FOXP2: variants seen among roughly 807,000 people sequenced by gnomAD.
FOXP2 encodes the protein forkhead box protein P2.
A neutral mutation model predicts 115.8 loss-of-function variants in FOXP2; 12 were observed. That is an observed-to-expected ratio of 0.10 (90% CI 0.07 to 0.17). The LOEUF (loss-of-function observed/expected upper bound fraction) is 0.17. Among genes scored for constraint, FOXP2 ranks in the 10% least tolerant of loss-of-function variants. FOXP2 has a pLI of 1.00. For missense variants in FOXP2, 629 were observed against 843.5 expected (o/e 0.75, Z 3.15); for synonymous variants, 328 against 297.7 (o/e 1.10, Z -1.05).
chr7:114,628,486 A>C, intron 3 of FOXP2, 54 bp from the exon 4 acceptor site: 1 of 1,609,094 alleles, frequency 6.2e-7, no homozygotes, highest in South Asian at 1.1e-5. Context: ...AAGTTGATTA[A>C]CAGATATTTG....
chr7:114,523,493 T>C (rs1352911061), intron 2 of FOXP2, among the ~76,000 whole-genome samples: 1 of 152,132 alleles, frequency 6.6e-6, no homozygotes, highest in African/African-American at 2.4e-5. Context: ...TGCGGTAGCA[T>C]TTCCTTGCCT....
intron 1 of FOXP2, among the ~76,000 whole-genome samples, chr7:114,255,636 T>C (rs902763911): frequency 1.3e-5 from 2 of 152,110 alleles, no homozygotes; most frequent in Non-Finnish European, 2.9e-5. Context: ...GTTAAGACCA[T>C]TGGAAAAGCG....
At chr7:114,645,056 TATAAC>T (rs1805800380) in intron 8 of FOXP2, 4 of 251,432 alleles carry the variant, frequency 1.6e-5, no homozygotes, top group African/African-American at 2.3e-5. Flanking sequence ...TGGAGACATT[TATAAC>T]AGAACTATTT....
rs879503718 is a variant in FOXP2, at chr7:114,291,971, T to C, written c.-11+3862T>C. On this transcript the variant is annotated intron_variant, in intron 2 of 17. Coordinates refer to the FOXP2 transcript ENST00000634411. ...TAGATAATATATAGAATATATATTA[T>C]AGATAATATATAGAATATATATTAT... Among the ~76,000 whole-genome samples, 203 of 133,442 alleles carry C rather than the reference T, an allele frequency of 1.5e-3. 2 individuals carry two copies. Among genetic ancestry groups the C allele is most frequent in the Non-Finnish European group, 1.9e-3 (119 of 62,820 alleles). The allele number at this position is 133,442 out of a possible 152,430, so 87.5% of individuals were successfully genotyped here.
At chr7:114,513,764 A>C (rs947560066) in intron 2 of FOXP2, among the ~76,000 whole-genome samples, 1 of 152,106 alleles carries the variant, frequency 6.6e-6, no homozygotes, top group African/African-American at 2.4e-5. Context: ...AATTTCAGCT[A>C]AAAAGTCCTA....
At chr7:114,141,803 GC>G (rs1282015670) in intron 1 of FOXP2, among the ~76,000 whole-genome samples, 1 of 152,174 alleles carries the variant, frequency 6.6e-6, no homozygotes, top group Non-Finnish European at 1.5e-5. Context: ...TACTTAGGAT[GC>G]CATGGGCTAC....
At chr7:114,355,157 A>C (rs1791590442) in intron 2 of FOXP2, among the ~76,000 whole-genome samples, 1 of 152,152 alleles carries the variant, frequency 6.6e-6, no homozygotes, top group South Asian at 2.1e-4. Context: ...TATTTAGGGA[A>C]ATAAAAATAA....
intron 1 of FOXP2, among the ~76,000 whole-genome samples, chr7:114,095,100 C>G (rs535797150): frequency 6.6e-6 from 1 of 152,166 alleles, no homozygotes; most frequent in South Asian, 2.1e-4. Context: ...AGTTATTATC[C>G]CACATCGTTA....
chr7:114,682,830 T>C (rs1466622434), intron 16 of FOXP2, among the ~76,000 whole-genome samples: 2 of 152,128 alleles, frequency 1.3e-5, no homozygotes, highest in African/African-American at 4.8e-5. Flanking sequence ...AAACCTAATA[T>C]AAATAGAGAT....
At chr7:114,092,976 A>G (rs1799573515) in intron 1 of FOXP2, among the ~76,000 whole-genome samples, 1 of 152,168 alleles carries the variant, frequency 6.6e-6, no homozygotes, top group Non-Finnish European at 1.5e-5. Flanking sequence ...GAACTGTGGC[A>G]ATAACTACTT....
intron 8 of FOXP2, among the ~76,000 whole-genome samples, chr7:114,648,990 G>A (rs1806080681): frequency 6.6e-6 from 1 of 152,016 alleles, no homozygotes; most frequent in African/African-American, 2.4e-5. Flanking sequence ...TCTTATTAAT[G>A]CATAGTAGAG....
chr7:114,664,143 A>T (rs1807034721), intron 15 of FOXP2, 130 bp from the exon 16 acceptor site: 2 of 1,070,386 alleles, frequency 1.9e-6, no homozygotes, highest in Non-Finnish European at 1.3e-6. Flanking sequence ...ATTTTTTTTC[A>T]ATACATTTTC....
chr7:114,345,188 A>G (rs1791317824), intron 2 of FOXP2, among the ~76,000 whole-genome samples: 2 of 151,784 alleles, frequency 1.3e-5, no homozygotes, highest in Admixed American at 1.3e-4. Flanking sequence ...TAGTTTTCTT[A>G]AAATATTTGA....
At chr7:114,086,651 G>A (rs760609589), upstream of FOXP2, 21 of 366,702 alleles carry the variant, frequency 5.7e-5, no homozygotes, top group Middle Eastern at 8.6e-4. Context: ...CTACACCTCC[G>A]CACCCCACCC....
Position 114,455,795 on chromosome 7 carries a change from G to GT in FOXP2, c.168+29119dup, listed in dbSNP as rs140249678. Among the ~76,000 whole-genome samples, 724 of 152,170 alleles carry GT rather than the reference G, an allele frequency of 4.8e-3. 6 individuals carry two copies. The highest frequency in any genetic ancestry group is 0.017 in the African/African-American group (705 of 41,518). ...TTTTTCTCTTAAAAGCTCCCTAACA[G>GT]TTTCTCATTGTTTAGTATACATCCA... is the stretch of plus-strand genomic sequence containing the variant. On this transcript the variant is annotated intron_variant, in intron 2 of 16. Coordinates refer to ENST00000350908, the MANE Select transcript of FOXP2 (RefSeq NM_014491.4).
intron 13 of FOXP2, 107 bp downstream of exon 13, chr7:114,659,780 T>C: frequency 1.2e-6 from 1 of 848,812 alleles, no homozygotes; most frequent in Non-Finnish European, 2.0e-6. Context: ...GCTTCCCCTC[T>C]TTTTAACCTG....
chr7:114,424,329 T>C (rs1163471963), intron 1 of FOXP2, among the ~76,000 whole-genome samples: 1 of 151,486 alleles, frequency 6.6e-6, no homozygotes, highest in East Asian at 1.9e-4. Flanking sequence ...TAGTGTTTTA[T>C]TTTTATTCCT....
intron 2 of FOXP2, among the ~76,000 whole-genome samples, chr7:114,342,900 A>T (rs1305030612): frequency 1.3e-5 from 2 of 151,586 alleles, no homozygotes; most frequent in African/African-American, 4.8e-5. Flanking sequence ...AGAAAAGTTT[A>T]CTATGTTCTC....
chr7:114,256,284 T>G (rs1423722650), intron 1 of FOXP2, among the ~76,000 whole-genome samples: 1 of 152,154 alleles, frequency 6.6e-6, no homozygotes, highest in African/African-American at 2.4e-5. Context: ...TTTGTATTTT[T>G]TTAGTAGAGA....
Sources: allele counts gnomAD v4.1 joint callset (sites outside exome capture counted in the v4.1 genomes callset), GRCh38; gene constraint gnomAD v4.1.1; transcripts MANE v1.5; gene names NCBI Gene and HGNC (gene_info 2026-07-23, HGNC 2026-07-21).